ASTN2: variants seen among roughly 807,000 people sequenced by gnomAD.
The protein encoded by ASTN2 is astrotactin 2, also known as astrotactin-2.
In ASTN2, 54 loss-of-function variants were observed where a neutral mutation model predicts 139.8. That is an observed-to-expected ratio of 0.39 (90% CI 0.31 to 0.48). The LOEUF is 0.48. Among genes scored for constraint, ASTN2 ranks in the 20% least tolerant of loss-of-function variants. The pLI is 0.95. For missense variants in ASTN2, 1,565 were observed against 1,725.1 expected, an observed-to-expected ratio of 0.91 and a Z score of 1.64; for synonymous variants, 756 against 719.5, an observed-to-expected ratio of 1.05 and a Z score of -0.81.
intron 1 of ASTN2, among the ~76,000 whole-genome samples, chr9:117,384,121 T>G (rs1830338371): frequency 6.6e-6 from 1 of 152,264 alleles, no homozygotes; most frequent in African/African-American, 2.4e-5. Flanking sequence ...GCGGTGGGAC[T>G]GAGCTGCTGG....
At position 117,150,527 on chromosome 9, in the gene ASTN2, C is replaced by T. The variant is rs556391002; in HGVS notation, c.1016-9049G>A. Among the ~76,000 whole-genome samples the T allele has an allele frequency of 2.6e-5, 4 of 152,262 alleles. No individual in the cohort carries two copies. The East Asian group carries it at 5.8e-4, about 22-fold the overall frequency. On this transcript the variant is annotated intron_variant, in intron 3 of 22. Coordinates refer to ENST00000313400, the MANE Select transcript of ASTN2 (RefSeq NM_001365068.1). ...GATAGCAATGTGCAGGAAGCGAAGG[C>T]TTTGAAATCAACCACAGTCTCTTAC... is the stretch of plus-strand genomic sequence containing the variant.
chr9:117,397,303 T>A (rs1830702822), intron 1 of ASTN2, among the ~76,000 whole-genome samples: 1 of 152,088 alleles, frequency 6.6e-6, no homozygotes, highest in African/African-American at 2.4e-5. Flanking sequence ...TTCTGCAAAT[T>A]AAAAATTTAT....
In ASTN2 at chr9:116,927,285, C is replaced by T. The variant is rs187609458; in HGVS notation, c.1889+47923G>A. ...TGATCTCCCAAAAGACTGGTTTCTA[C>T]TGTTAAAGGAGATCGTGCATGTGGA... is the stretch of plus-strand genomic sequence containing the variant. On this transcript the variant is annotated intron_variant, in intron 10 of 22. Coordinates refer to ENST00000313400, the MANE Select transcript of ASTN2 (RefSeq NM_001365068.1). 6.6e-5 allele frequency among the ~76,000 whole-genome samples: 10 copies of T among 152,278 alleles called. No homozygotes were observed. In the East Asian group the frequency reaches 1.5e-3, roughly 24 times the overall value.
intron 11 of ASTN2, among the ~76,000 whole-genome samples, chr9:116,829,619 G>A (rs1255414281): frequency 6.6e-6 from 1 of 152,088 alleles, no homozygotes; most frequent in East Asian, 1.9e-4. Flanking sequence ...AGCAAAATGA[G>A]AAGTGTTACA....
At chr9:116,817,483 A>G (rs1392388518) in intron 12 of ASTN2, among the ~76,000 whole-genome samples, 3 of 152,156 alleles carry the variant, frequency 2.0e-5, no homozygotes, top group Non-Finnish European at 4.4e-5. Flanking sequence ...CAAAGGAGAA[A>G]GAGACAGGAG....
intron 18 of ASTN2, among the ~76,000 whole-genome samples, chr9:116,619,495 T>A (rs2131825002): frequency 6.6e-6 from 1 of 151,992 alleles, no homozygotes; most frequent in South Asian, 2.1e-4. Context: ...TAATAGCACT[T>A]CTTTGTTTCT....
At chr9:116,583,869 T>C (rs978593210) in intron 19 of ASTN2, 1 of 152,314 alleles carries the variant, frequency 6.6e-6, no homozygotes, top group East Asian at 1.9e-4. Flanking sequence ...CTTTTAGATG[T>C]AGAAGAGACC....
chr9:117,214,162 A>G lies in ASTN2; in HGVS notation c.1015+196T>C, dbSNP rs186068777. 5.1e-3 allele frequency among the ~76,000 whole-genome samples: 777 copies of G among 152,220 alleles called. 2 individuals are homozygous for G. The highest frequency in any genetic ancestry group is 0.011 in the Admixed American group (163 of 15,296). On this transcript the variant is annotated intron_variant, in intron 3 of 22. Transcript: ENST00000313400. ...CAACTCCAATTCTGGGAGTACTGAC[A>G]CTCTTTTATTCTCTCATCACTACTG...
At chr9:117,383,770 T>C (rs1206370033) in intron 1 of ASTN2, among the ~76,000 whole-genome samples, 2 of 152,134 alleles carry the variant, frequency 1.3e-5, no homozygotes, top group Non-Finnish European at 2.9e-5. Context: ...TCAGAAATAA[T>C]TGCTTTGCAC....
chr9:117,158,110 T>G (rs936877714), intron 3 of ASTN2, among the ~76,000 whole-genome samples: 1 of 151,962 alleles, frequency 6.6e-6, no homozygotes, highest in African/African-American at 2.4e-5. Flanking sequence ...ATAGAAAAAA[T>G]TAAGCCTATA....
At chr9:116,866,205 G>A (rs1470389869) in intron 10 of ASTN2, among the ~76,000 whole-genome samples, 1 of 152,210 alleles carries the variant, frequency 6.6e-6, no homozygotes, top group Non-Finnish European at 1.5e-5. Flanking sequence ...TGGAAGGAAA[G>A]TGTGCTAGGT....
At chr9:116,480,609 T>C (rs1185442373) in intron 20 of ASTN2, among the ~76,000 whole-genome samples, 1 of 152,126 alleles carries the variant, frequency 6.6e-6, no homozygotes, top group Non-Finnish European at 1.5e-5. Context: ...GTGAGTACCA[T>C]GGCTTTGTGT....
Position 117,060,336 on chromosome 9 carries a change from A to G in ASTN2, c.1277-20371T>C, listed in dbSNP as rs1316009569. Among the ~76,000 whole-genome samples the G allele has an allele frequency of 4.1e-3, 331 of 80,856 alleles. 11 individuals are homozygous for G. The highest frequency in any genetic ancestry group is 0.02 in the African/African-American group (314 of 16,032). 53.0% of individuals were successfully genotyped at this position (80,856 alleles called of 152,430 possible). ...AAAAGAAAAAAGAAAGAAAGAAAGAAAGAAAGAGAGAAAGAAAGAAAGAAA... is the reference window on the plus strand; with the variant it reads ...AAAAGAAAAAAGAAAGAAAGAAAGAGAGAAAGAGAGAAAGAAAGAAAGAAA... On this transcript the variant is annotated intron_variant, in intron 5 of 22. Coordinates refer to ENST00000313400, the MANE Select transcript of ASTN2 (RefSeq NM_001365068.1).
chr9:117,044,589 TACTC>T (rs1398132649), intron 5 of ASTN2, among the ~76,000 whole-genome samples: 11 of 152,162 alleles, frequency 7.2e-5, no homozygotes, highest in African/African-American at 2.4e-4. Context: ...TCTCCCATAA[TACTC>T]ACACCCTCCC....
intron 2 of ASTN2, among the ~76,000 whole-genome samples, chr9:117,236,784 G>C (rs1418643512): frequency 6.6e-6 from 1 of 152,130 alleles, no homozygotes; most frequent in Non-Finnish European, 1.5e-5. Flanking sequence ...CCTATAAAAT[G>C]AACACAATAA....
chr9:117,180,507 C>T (rs1037007504), intron 3 of ASTN2: 4 of 610,736 alleles, frequency 6.5e-6, no homozygotes, highest in South Asian at 2.1e-5. Context: ...CATTTGAATG[C>T]CATTTCCTCT....
At chr9:117,290,536 G>A (rs1436391085) in intron 2 of ASTN2, among the ~76,000 whole-genome samples, 1 of 152,208 alleles carries the variant, frequency 6.6e-6, no homozygotes, top group Admixed American at 6.5e-5. Flanking sequence ...CTGCAAACAT[G>A]TGGAGGTGAT....
At position 117,240,354 on chromosome 9, in the gene ASTN2, G is replaced by A. The variant is rs530796594; in HGVS notation, c.631-25612C>T. 4.6e-5 allele frequency among the ~76,000 whole-genome samples: 7 copies of A among 152,266 alleles called. No homozygotes were observed. In the South Asian group the frequency reaches 6.2e-4, roughly 14 times the overall value. On this transcript the variant is annotated intron_variant, in intron 2 of 22. Coordinates refer to ENST00000313400, the MANE Select transcript of ASTN2 (RefSeq NM_001365068.1). ...TGGGTGTGACTGTGTGTGTGACAGCGGAAGGGAACGAGGATGGTTGAAAAA... is the reference window on the plus strand; with the variant it reads ...TGGGTGTGACTGTGTGTGTGACAGCAGAAGGGAACGAGGATGGTTGAAAAA...
chr9:116,823,714 G>A (rs1337395063), intron 11 of ASTN2, among the ~76,000 whole-genome samples: 4 of 152,162 alleles, frequency 2.6e-5, no homozygotes, highest in African/African-American at 7.2e-5. Context: ...ATGGGAAACT[G>A]AGGATCAGAA....
Sources: allele counts gnomAD v4.1 joint callset (sites outside exome capture counted in the v4.1 genomes callset), GRCh38; gene constraint gnomAD v4.1.1; transcripts MANE v1.5; gene names NCBI Gene and HGNC (gene_info 2026-07-23, HGNC 2026-07-21).